Variants in NBPF11 observed in about 807,000 individuals in gnomAD.
The protein encoded by NBPF11 is NBPF family member NBPF11.
A neutral mutation model predicts 93.9 loss-of-function variants in NBPF11; 72 were observed. The ratio of observed to expected loss-of-function variants is 0.77; its 90% CI spans 0.63 to 0.93. The LOEUF (loss-of-function observed/expected upper bound fraction) is 0.93. Ranked by LOEUF, NBPF11 falls within the 40% of genes least tolerant of loss-of-function variation. The pLI, the probability that NBPF11 is intolerant of heterozygous loss-of-function variation, is 0.00. For missense variants in NBPF11, 705 were observed against 802.2 expected, an observed-to-expected ratio of 0.88 and a Z score of 1.46; for synonymous variants, 224 against 304.9, an observed-to-expected ratio of 0.73 and a Z score of 2.76.
rs1673101529 is a variant in NBPF11, at chr1:148,146,482, C to T, written c.-548-2796G>A. 14 of 1,604,220 alleles carry T rather than the reference C, an allele frequency of 8.7e-6. No individual in the cohort carries two copies. In the South Asian group the frequency reaches 1.3e-4, roughly 15 times the overall value. The stretch of plus-strand genomic sequence containing the variant: ...CATCGCTGCCAAGCTCGCCTTCCTG[C>T]CGCCGGAGGCCACCTACTCCCTGGT... On this transcript the variant is annotated intron_variant, in intron 1 of 23. Transcript: ENST00000682118.
At chr1:148,147,482 C>G (rs1450893731) in intron 1 of NBPF11, among the ~76,000 whole-genome samples, 2 of 152,056 alleles carry the variant, frequency 1.3e-5, no homozygotes, top group Non-Finnish European at 2.9e-5. Flanking sequence ...CGTCCCCAGC[C>G]CTGTGCTTGC....
At chr1:148,120,060 T>C (rs1378610725) in intron 10 of NBPF11, among the ~76,000 whole-genome samples, 1 of 151,382 alleles carries the variant, frequency 6.6e-6, no homozygotes, top group Non-Finnish European at 1.5e-5. Flanking sequence ...ATCACCAAGT[T>C]TCCCTCAGAG....
intron 14 of NBPF11, among the ~76,000 whole-genome samples, 161 bp downstream of exon 14, chr1:148,115,632 G>T (rs1177350416): frequency 1.3e-5 from 2 of 151,640 alleles, no homozygotes; most frequent in African/African-American, 4.9e-5. Context: ...GCAAACAAAG[G>T]CATGACATTA....
chr1:148,141,640 C>A (rs1672187669), intron 2 of NBPF11, among the ~76,000 whole-genome samples: 1 of 151,816 alleles, frequency 6.6e-6, no homozygotes, highest in Non-Finnish European at 1.5e-5. Context: ...GCCCCCGGAA[C>A]ACAGCTAGCA....
intron 1 of NBPF11, chr1:148,146,385 G>T: frequency 6.3e-7 from 1 of 1,578,282 alleles, no homozygotes; most frequent in Non-Finnish European, 8.6e-7. Context: ...CGGCCCGGGC[G>T]GCGCCCGCCA....
chr1:148,142,072 GAA>G (rs1672280346), intron 2 of NBPF11, among the ~76,000 whole-genome samples: 1 of 143,710 alleles, frequency 7.0e-6, no homozygotes. Context: ...AAGGGAGGAA[GAA>G]AGGAAGGGAG....
chr1:148,112,377 C>T (rs1302398124), intron 15 of NBPF11, among the ~76,000 whole-genome samples: 105 of 125,140 alleles, frequency 8.4e-4, no homozygotes, highest in Middle Eastern at 4.1e-3. Flanking sequence ...TTGTTCAATT[C>T]CCACCTGTGA....
chr1:148,122,920 T>A, intron 7 of NBPF11, 119 bp from the exon 8 acceptor site: 1 of 1,570,000 alleles, frequency 6.4e-7, no homozygotes, highest in Non-Finnish European at 8.7e-7. Context: ...CTGAAAACTC[T>A]CATGTTTTAT....
chr1:148,138,906 C>T (rs1350028852), intron 2 of NBPF11, among the ~76,000 whole-genome samples: 1 of 151,518 alleles, frequency 6.6e-6, no homozygotes, highest in South Asian at 2.1e-4. Flanking sequence ...ACCTGGCCAA[C>T]ATGAAGAAAC....
intron 1 of NBPF11, chr1:148,149,684 C>T (rs1259524102): frequency 1.2e-5 from 9 of 722,884 alleles, no homozygotes; most frequent in East Asian, 5.5e-5. Context: ...GACCCCGCCC[C>T]GACCCAGGGG....
intron 2 of NBPF11, among the ~76,000 whole-genome samples, chr1:148,141,453 C>G (rs1233966664): frequency 6.6e-6 from 1 of 152,084 alleles, no homozygotes. Context: ...AAACCTAGAA[C>G]TGTTCTAAAA....
chr1:148,130,680 C>CTTTATGGTAAT (rs1482512782), intron 4 of NBPF11, among the ~76,000 whole-genome samples: 1 of 151,158 alleles, frequency 6.6e-6, no homozygotes, highest in African/African-American at 2.5e-5. Context: ...GACTGCACCA[C>CTTTATGGTAAT]TTTAAAATGT....
intron 7 of NBPF11, 94 bp from the exon 8 acceptor site, chr1:148,122,895 T>A (rs1668208134): frequency 6.2e-7 from 1 of 1,602,258 alleles, no homozygotes; most frequent in Non-Finnish European, 8.5e-7. Flanking sequence ...TATCTATGTA[T>A]GGTTCAGCAT....
At position 148,108,690 on chromosome 1, in the gene NBPF11, G is replaced by A. The variant is rs1217363961; in HGVS notation, c.1854-36C>T. On this transcript the variant is annotated intron_variant, in intron 17 of 23. Coordinates refer to ENST00000682118, the MANE Select transcript of NBPF11 (RefSeq NM_001385469.3). ...GGGAAAAAGTAAAGAATAAGCCAGGGGGAATCAGAAACCACACAGCCCCAG... is the reference window on the plus strand; with the variant it reads ...GGGAAAAAGTAAAGAATAAGCCAGGAGGAATCAGAAACCACACAGCCCCAG... 5,747 of 801,778 alleles carry A rather than the reference G, an allele frequency of 7.2e-3. 138 individuals carry two copies. Among genetic ancestry groups the A allele is most frequent in the Admixed American group, 0.045 (2,552 of 56,288 alleles). The allele number at this position is 801,778 out of a possible 1,614,324, so 49.7% of individuals were successfully genotyped here. A position where few individuals can be genotyped will look rare whatever the true frequency, so the allele number is the denominator to read the frequency against.
intron 4 of NBPF11, among the ~76,000 whole-genome samples, chr1:148,133,598 G>A (rs1264383185): frequency 2.6e-5 from 4 of 152,022 alleles, no homozygotes; most frequent in Admixed American, 6.5e-5. Flanking sequence ...GTAATCATAC[G>A]AGTTTTCTCT....
intron 4 of NBPF11, among the ~76,000 whole-genome samples, chr1:148,133,988 C>T (rs1288462989): frequency 6.6e-6 from 1 of 151,988 alleles, no homozygotes; most frequent in Admixed American, 6.5e-5. Flanking sequence ...CCCGCCTTGT[C>T]TCTAGACAGC....
intron 1 of NBPF11, chr1:148,149,016 G>T (rs1185131258): frequency 1.5e-6 from 1 of 661,702 alleles, no homozygotes; most frequent in African/African-American, 1.9e-5. Flanking sequence ...CCTCGGGACT[G>T]GTGTGGAGCC....
At chr1:148,124,352 C>T (rs1167990279) in intron 6 of NBPF11, among the ~76,000 whole-genome samples, 2 of 151,010 alleles carry the variant, frequency 1.3e-5, no homozygotes, top group Non-Finnish European at 2.9e-5. Flanking sequence ...AAAAGACATC[C>T]TTTCAGTTCC....
At chr1:148,148,573 G>A (rs1329887516) in intron 1 of NBPF11, among the ~76,000 whole-genome samples, 4 of 152,004 alleles carry the variant, frequency 2.6e-5, no homozygotes, top group African/African-American at 4.8e-5. Context: ...TGCCACCTCC[G>A]CAGCCACCAC....
Sources: gnomAD v4.1 joint callset for allele counts (sites outside exome capture counted in the v4.1 genomes callset) on GRCh38, gnomAD v4.1.1 for gene constraint, MANE v1.5 for transcripts, NCBI Gene and HGNC (gene_info 2026-07-23, HGNC 2026-07-21) for gene names.